The following GABPB1 variants were observed in gnomAD, a reference collection of about 807,000 sequenced individuals.
GABPB1 encodes the protein GA-binding protein subunit beta-1.
GABPB1 carries 15 observed loss-of-function variants against 45.9 expected under a neutral mutation model. The observed-to-expected ratio is 0.33, with a 90% CI of 0.22 to 0.50. The LOEUF (loss-of-function observed/expected upper bound fraction) is 0.50, where lower values mean the gene tolerates loss of function less well. Among genes scored for constraint, GABPB1 ranks in the 20% least tolerant of loss-of-function variants. GABPB1 has a pLI of 0.98. For missense variants in GABPB1, 252 were observed against 457.5 expected (o/e 0.55, Z 4.10); for synonymous variants, 143 against 154.4 (o/e 0.93, Z 0.55).
At chr15:50,280,671 A>G (rs1239759055) in intron 8 of GABPB1, among the ~76,000 whole-genome samples, 1 of 152,044 alleles carries the variant, frequency 6.6e-6, no homozygotes, top group Non-Finnish European at 1.5e-5. Context: ...ACTTGAGCCC[A>G]GGAGGTTGAG....
intron 4 of GABPB1, among the ~76,000 whole-genome samples, chr15:50,302,630 C>G (rs1253884876): frequency 1.1e-5 from 1 of 95,080 alleles, no homozygotes; most frequent in Non-Finnish European, 1.9e-5. Context: ...GGGGACAGAT[C>G]AAGACTCTGG....
intron 1 of GABPB1, chr15:50,353,383 T>G (rs901259379): frequency 6.6e-6 from 1 of 152,160 alleles, no homozygotes; most frequent in East Asian, 1.9e-4. Flanking sequence ...CACATTTCTG[T>G]TTTTTGGTTT....
intron 1 of GABPB1, among the ~76,000 whole-genome samples, chr15:50,313,353 C>T (rs1419152200): frequency 6.6e-6 from 1 of 152,100 alleles, no homozygotes; most frequent in Non-Finnish European, 1.5e-5. Flanking sequence ...TTAAGTGAAA[C>T]TGATGCTTTG....
intron 2 of GABPB1, 35 bp from the exon 3 acceptor site, chr15:50,304,168 C>G: frequency 2.0e-6 from 3 of 1,525,564 alleles, no homozygotes; most frequent in Non-Finnish European, 2.6e-6. Flanking sequence ...TCCACATTTA[C>G]ATTATTGTTA....
intron 1 of GABPB1, among the ~76,000 whole-genome samples, chr15:50,344,785 C>T (rs2048503583): frequency 6.6e-6 from 1 of 152,030 alleles, no homozygotes; most frequent in South Asian, 2.1e-4. Flanking sequence ...TTGCAGTGAG[C>T]CAAGATTGCG....
chr15:50,313,319 A>C (rs997300006), intron 1 of GABPB1, among the ~76,000 whole-genome samples: 6 of 152,180 alleles, frequency 3.9e-5, no homozygotes, highest in African/African-American at 1.4e-4. Context: ...ATAATTTTAA[A>C]GTAATTCCTG....
At chr15:50,315,164 C>T (rs2047273167) in intron 1 of GABPB1, among the ~76,000 whole-genome samples, 1 of 152,166 alleles carries the variant, frequency 6.6e-6, no homozygotes, top group Non-Finnish European at 1.5e-5. Context: ...TAGAGTCTCT[C>T]TCTGTAGCCC....
At chr15:50,314,092 A>G (rs2047223818) in intron 1 of GABPB1, among the ~76,000 whole-genome samples, 1 of 152,222 alleles carries the variant, frequency 6.6e-6, no homozygotes, top group Admixed American at 6.5e-5. Context: ...AATTATTCAA[A>G]ACATATCACA....
chr15:50,323,431 A>G (rs537616616), intron 1 of GABPB1, among the ~76,000 whole-genome samples: 4 of 152,316 alleles, frequency 2.6e-5, no homozygotes, highest in African/African-American at 9.6e-5. Flanking sequence ...TGCCTAAGGG[A>G]AAGAAAAAAA....
At chr15:50,317,985 T>C (rs1261397083) in intron 1 of GABPB1, among the ~76,000 whole-genome samples, 1 of 151,960 alleles carries the variant, frequency 6.6e-6, no homozygotes, top group African/African-American at 2.4e-5. Context: ...AAGTAAAATT[T>C]AGCATACTAT....
chr15:50,339,369 G>A (rs2048265098), intron 1 of GABPB1, among the ~76,000 whole-genome samples: 1 of 151,704 alleles, frequency 6.6e-6, no homozygotes. Flanking sequence ...TATGGTGGAA[G>A]GCACCTGTAA....
At chr15:50,305,804 C>A (rs957517422) in intron 2 of GABPB1, among the ~76,000 whole-genome samples, 8 of 151,892 alleles carry the variant, frequency 5.3e-5, no homozygotes, top group Admixed American at 1.3e-4. Flanking sequence ...TTTTCTGAGA[C>A]AGGGTCTCAC....
intron 6 of GABPB1, among the ~76,000 whole-genome samples, chr15:50,296,749 G>A (rs968402436): frequency 8.6e-5 from 13 of 151,980 alleles, no homozygotes; most frequent in African/African-American, 2.2e-4. Flanking sequence ...TAAACATTTC[G>A]AGAATCAGGA....
intron 6 of GABPB1, among the ~76,000 whole-genome samples, chr15:50,298,208 C>T (rs2046593377): frequency 6.6e-6 from 1 of 152,176 alleles, no homozygotes; most frequent in African/African-American, 2.4e-5. Context: ...CCTCCCACCT[C>T]AGCCTCCCAA....
chr15:50,322,325 C>T (rs1358002075), intron 1 of GABPB1, among the ~76,000 whole-genome samples: 1 of 151,554 alleles, frequency 6.6e-6, no homozygotes, highest in Non-Finnish European at 1.5e-5. Context: ...AAGCCAATGC[C>T]AGAGGATAAC....
At chr15:50,354,575 C>G (rs1159840401) in intron 1 of GABPB1, 5 of 449,336 alleles carry the variant, frequency 1.1e-5, no homozygotes, top group Non-Finnish European at 2.2e-5. Flanking sequence ...TCCTCTTTCT[C>G]CCGCCCACTG....
At position 50,278,352 on chromosome 15, in the gene GABPB1, G is replaced by A. The variant is rs1015320854; in HGVS notation, c.*280C>T. ...ATCAAAAAGAATTCACAAAAACAGT[G>A]GCTTATTCTGGTTTTGGATCTCTTC... is the stretch of plus-strand genomic sequence containing the variant. On this transcript the variant is annotated 3_prime_UTR_variant, in exon 9 of 9. Transcript: ENST00000380877. The A allele has an allele frequency of 1.3e-5, 3 of 227,524 alleles. No individual in the cohort carries two copies. The highest frequency in any genetic ancestry group is 6.8e-5 in the African/African-American group (3 of 43,972). 14.1% of individuals were successfully genotyped at this position (227,524 alleles called of 1,614,324 possible).
intron 1 of GABPB1, among the ~76,000 whole-genome samples, chr15:50,322,997 C>G (rs1488793002): frequency 6.6e-6 from 1 of 152,138 alleles, no homozygotes; most frequent in Non-Finnish European, 1.5e-5. Flanking sequence ...CCACTGCACT[C>G]CTGTCTGGGC....
chr15:50,302,557 T>C (rs1045645272), intron 4 of GABPB1, among the ~76,000 whole-genome samples: 2 of 147,990 alleles, frequency 1.4e-5, no homozygotes, highest in East Asian at 4.0e-4. Context: ...GGCAGGAGAA[T>C]TGCTTGAACC....
Sources: gnomAD v4.1 joint callset for allele counts (sites outside exome capture counted in the v4.1 genomes callset) on GRCh38, gnomAD v4.1.1 for gene constraint, MANE v1.5 for transcripts, NCBI Gene and HGNC (gene_info 2026-07-23, HGNC 2026-07-21) for gene names.